Variants in RFX2 observed in about 807,000 individuals in gnomAD.
RFX2 encodes the protein regulatory factor X2.
Under a neutral mutation model 87.8 loss-of-function variants are expected in RFX2, and 20 were observed. The observed-to-expected ratio is 0.23, with a 90% CI of 0.16 to 0.33. RFX2 has a LOEUF of 0.33. RFX2 is among the 10% of genes least tolerant of loss of function. RFX2 has a pLI of 1.00. For synonymous variants in RFX2, 397 were observed against 431.3 expected (o/e 0.92, Z 0.98); for missense variants, 767 against 1,012.3 (o/e 0.76, Z 3.29).
At chr19:5,996,637 G>A (rs959347229) in intron 16 of RFX2, among the ~76,000 whole-genome samples, 2 of 152,258 alleles carry the variant, frequency 1.3e-5, no homozygotes, top group East Asian at 1.9e-4. Flanking sequence ...CCAGCTGCAC[G>A]TTGTGGATGT....
chr19:6,042,147 T>G, intron 3 of RFX2, 24 bp from the exon 4 acceptor site: 1 of 1,604,726 alleles, frequency 6.2e-7, no homozygotes. Flanking sequence ...TACGCTGCGT[T>G]ACCGCCAGTC....
At chr19:6,093,738 CA>C (rs1343474488) in intron 1 of RFX2, among the ~76,000 whole-genome samples, 1 of 150,990 alleles carries the variant, frequency 6.6e-6, no homozygotes, top group Non-Finnish European at 1.5e-5. Flanking sequence ...AAAAAACACA[CA>C]AAAAAACCCT....
rs1369331465 is a variant in RFX2 at position 6,063,119 on chromosome 19, C to T, written c.-8-15615G>A. On this transcript the variant is annotated intron_variant, in intron 1 of 17. Transcript: ENST00000303657. This position sits in a 1 kb window ranked among gnomAD's most constrained non-coding sequence, Gnocchi z 4.0. ...TAGGCCGCCTTCTCCCTCATGCATC[C>T]AGCTACTTGGTTTGAAACTCTCCCC... Among the ~76,000 whole-genome samples the T allele has an allele frequency of 6.6e-6, 1 of 152,126 alleles. No individual in the cohort carries two copies. Among genetic ancestry groups the T allele is most frequent in the African/African-American group, 2.4e-5 (1 of 41,422 alleles).
Position 5,997,066 on chromosome 19 carries a change from C to G in RFX2, c.2007G>C (p.Met669Ile). The change falls in exon 16 of 18, where the codon ATG becomes ATC. Residue 669 changes from methionine to isoleucine, a missense_variant. Coordinates refer to ENST00000303657, the MANE Select transcript of RFX2 (RefSeq NM_000635.4). This position sits in a 1 kb window ranked among gnomAD's most constrained non-coding sequence, Gnocchi z 4.2. ...CACCCAGGAGGGTCCTCACCTCTCC[C>G]ATCACAGCGATCGGCGTCTCTCCGG... ...EATGETPIAV[M>I]GEFNDLASLS... 1 of 1,610,524 alleles carries G rather than the reference C, an allele frequency of 6.2e-7. No homozygotes were observed. Among genetic ancestry groups the G allele is most frequent in the Non-Finnish European group, 8.5e-7 (1 of 1,179,446 alleles).
intron 1 of RFX2, among the ~76,000 whole-genome samples, chr19:6,088,114 C>A (rs1289426539): frequency 1.3e-5 from 2 of 152,092 alleles, no homozygotes; most frequent in Admixed American, 6.5e-5. Context: ...AACACAGAGC[C>A]CTTCCCAGCC....
At chr19:6,087,190 T>C (rs2144873278) in intron 1 of RFX2, among the ~76,000 whole-genome samples, 1 of 152,036 alleles carries the variant, frequency 6.6e-6, no homozygotes, top group Non-Finnish European at 1.5e-5. Context: ...GACAGACTCA[T>C]GATAGACAGG....
chr19:6,074,803 C>T lies in RFX2; in HGVS notation c.-8-27299G>A, dbSNP rs562210882. On this transcript the variant is annotated intron_variant, in intron 1 of 17. Coordinates refer to ENST00000303657, the MANE Select transcript of RFX2 (RefSeq NM_000635.4). The surrounding 1 kb of genome is among the most constrained non-coding windows in gnomAD (Gnocchi z 5.2). ...AGAAGGCTCTGCCAGGGATGGTGCT[C>T]GGCAAGGCTGAGGCACACGGGACAT... 5.9e-5 allele frequency among the ~76,000 whole-genome samples: 9 copies of T among 152,280 alleles called. No homozygotes were observed. The highest frequency in any genetic ancestry group is 1.2e-4 in the Non-Finnish European group (8 of 68,024).
chr19:6,072,486 T>C (rs2087621444), intron 1 of RFX2, among the ~76,000 whole-genome samples: 2 of 152,172 alleles, frequency 1.3e-5, no homozygotes, highest in Admixed American at 1.3e-4. Context: ...GAGAATTGCC[T>C]GAGGCCAGGA....
intron 7 of RFX2, among the ~76,000 whole-genome samples, chr19:6,015,566 G>A (rs1455137909): frequency 2.0e-5 from 3 of 151,954 alleles, no homozygotes; most frequent in African/African-American, 7.2e-5. Flanking sequence ...GTGGCTCACC[G>A]CAGCCTCAAC....
chr19:6,058,423 T>A (rs1180707846), intron 1 of RFX2, among the ~76,000 whole-genome samples: 3 of 151,586 alleles, frequency 2.0e-5, no homozygotes, highest in African/African-American at 7.3e-5. Flanking sequence ...AAAAGGAGAG[T>A]AGGCAGGATG....
chr19:6,030,129 T>C (rs901492370), intron 5 of RFX2, among the ~76,000 whole-genome samples: 3 of 152,152 alleles, frequency 2.0e-5, no homozygotes, highest in African/African-American at 4.8e-5. Flanking sequence ...ATCTATACAC[T>C]CTAAACTAAA....
intron 16 of RFX2, 133 bp downstream of exon 16, chr19:5,996,927 C>A: frequency 1.1e-6 from 1 of 919,942 alleles, no homozygotes; most frequent in South Asian, 1.9e-5. Flanking sequence ...TGTTCTTTAT[C>A]GAGCTGCAGC....
chr19:6,094,114 A>G (rs1200620114), intron 1 of RFX2, among the ~76,000 whole-genome samples: 1 of 152,196 alleles, frequency 6.6e-6, no homozygotes, highest in African/African-American at 2.4e-5. Context: ...TGCAAAAAAC[A>G]CTAAAGAATT....
rs908201512 is a variant in RFX2 at position 6,083,458 on chromosome 19, T to C, written c.-9+26935A>G. Among the ~76,000 whole-genome samples, 3 of 152,026 alleles carry C rather than the reference T, an allele frequency of 2.0e-5. No homozygotes were observed. The highest frequency in any genetic ancestry group is 7.3e-5 in the African/African-American group (3 of 41,378). ...AAATATTTTGTCTTGTTTCCAATCA[T>C]TTAAAAACGCAAAAAATATTCTCAA... On this transcript the variant is annotated intron_variant, in intron 1 of 17. Transcript: ENST00000303657. This position sits in a 1 kb window ranked among gnomAD's most constrained non-coding sequence, Gnocchi z 4.6.
At chr19:6,014,542 C>CT (rs1337859044) in intron 7 of RFX2, among the ~76,000 whole-genome samples, 1 of 152,120 alleles carries the variant, frequency 6.6e-6, no homozygotes, top group Non-Finnish European at 1.5e-5. Context: ...CCCGGCCCTT[C>CT]TTTTCCTTTT....
At chr19:6,087,480 T>A (rs1366798505) in intron 1 of RFX2, among the ~76,000 whole-genome samples, 1 of 151,974 alleles carries the variant, frequency 6.6e-6, no homozygotes, top group East Asian at 1.9e-4. Context: ...TAGAGAGAAG[T>A]GCAGTTTTTT....
chr19:6,046,399 G>A (rs2087189621), intron 2 of RFX2, among the ~76,000 whole-genome samples: 1 of 151,864 alleles, frequency 6.6e-6, no homozygotes, highest in South Asian at 2.1e-4. Flanking sequence ...TGGCCAACAT[G>A]GTGAAACCTC....
chr19:6,033,607 C>T (rs2086977975), intron 5 of RFX2, among the ~76,000 whole-genome samples: 2 of 136,436 alleles, frequency 1.5e-5, no homozygotes, highest in Non-Finnish European at 1.5e-5. Context: ...GTACTTTTCC[C>T]ACCTTTGCAA....
At chr19:6,075,293 A>C (rs1183410987) in intron 1 of RFX2, among the ~76,000 whole-genome samples, 4 of 152,214 alleles carry the variant, frequency 2.6e-5, no homozygotes, top group Non-Finnish European at 4.4e-5. Flanking sequence ...GAGGAGGAGG[A>C]GGAGAAGATG....
Sources: allele counts gnomAD v4.1 joint callset (sites outside exome capture counted in the v4.1 genomes callset), GRCh38; gene constraint gnomAD v4.1.1; non-coding constraint Gnocchi (gnomAD v3.1); transcripts MANE v1.5; gene names NCBI Gene and HGNC (gene_info 2026-07-23, HGNC 2026-07-21).